Variants in DPEP3 observed in about 807,000 individuals in gnomAD.
DPEP3 encodes membrane-bound dipeptidase 3.
A neutral mutation model predicts 47.5 loss-of-function variants in DPEP3; 42 were observed. That is an observed-to-expected ratio of 0.88 (90% CI 0.69 to 1.14). DPEP3 has a LOEUF of 1.14. Ranked by LOEUF, DPEP3 falls within the 50% of genes most tolerant of loss-of-function variation. DPEP3 has a pLI of 0.00. For missense variants in DPEP3, 560 were observed against 635.0 expected, an observed-to-expected ratio of 0.88 and a Z score of 1.27; for synonymous variants, 276 against 270.2, an observed-to-expected ratio of 1.02 and a Z score of -0.21.
At position 67,978,307 on chromosome 16, in the gene DPEP3, C is replaced by T. The variant is rs201009884; in HGVS notation, c.646G>A (p.Val216Met). The stretch of plus-strand genomic sequence containing the variant: ...GTGAAGGTAAGTGTCAGGTAGCGCA[C>T]CCCCAGCACATAGAAACTGCGCAGC... ...SVLRSFYVLG[V>M]RYLTLTFTCS... The change falls in exon 4 of 10, where the codon GTG (valine) becomes ATG (methionine). Residue 216 changes from valine to methionine, a missense_variant. Val to Met is a conservative substitution (Grantham distance 21). Coordinates refer to ENST00000268793, the MANE Select transcript of DPEP3 (RefSeq NM_001370198.1). The surrounding 1 kb of genome is among the most constrained non-coding windows in gnomAD (Gnocchi z 4.4). The T allele has an allele frequency of 3.7e-5, 60 of 1,614,052 alleles. No homozygotes were observed. The highest frequency in any genetic ancestry group is 4.8e-5 in the Non-Finnish European group (57 of 1,180,038).
intron 8 of DPEP3, among the ~76,000 whole-genome samples, 194 bp from the exon 9 acceptor site, chr16:67,976,422 A>G (rs540828892): frequency 6.6e-6 from 1 of 152,318 alleles, no homozygotes; most frequent in South Asian, 2.1e-4. Context: ...AGCCCACAGC[A>G]GGTCTGCTAG....
At chr16:67,979,497 C>A (rs915056197) in intron 2 of DPEP3, 142 bp downstream of exon 2, 15 of 1,298,810 alleles carry the variant, frequency 1.2e-5, no homozygotes, top group African/African-American at 1.5e-5. Flanking sequence ...GCCTCCAAGG[C>A]CCCACTCTCC....
chr16:67,979,986 T>G, intron 1 of DPEP3, 108 bp downstream of exon 1: 1 of 1,427,120 alleles, frequency 7.0e-7, no homozygotes, highest in Non-Finnish European at 9.4e-7. Context: ...CATCCAGGGG[T>G]GGTGTGAGGG....
chr16:67,980,394 C>T lies in DPEP3; in HGVS notation c.-14G>A. On this transcript the variant is annotated 5_prime_UTR_variant, in exon 1 of 10. Transcript: ENST00000268793. ...CGTGGGCTGCATGTTGCGCGGGGGT[C>T]GGCCGCGGGAGCCTGGGAGGAGCAG... is the stretch of plus-strand genomic sequence containing the variant. 1 of 1,507,582 alleles carries T rather than the reference C, an allele frequency of 6.6e-7. No homozygotes were observed. The highest frequency in any genetic ancestry group is 1.3e-5 in the South Asian group (1 of 77,962). The allele number at this position is 1,507,582 out of a possible 1,614,324, so 93.4% of individuals were successfully genotyped here. A position where few individuals can be genotyped will look rare whatever the true frequency, so the allele number is the denominator to read the frequency against.
intron 8 of DPEP3, 121 bp from the exon 9 acceptor site, chr16:67,976,349 T>A: frequency 7.2e-7 from 1 of 1,388,820 alleles, no homozygotes; most frequent in Non-Finnish European, 9.7e-7. Flanking sequence ...GGCTAGTGAA[T>A]GCAACCTTGG....
At chr16:67,976,677 A>G in intron 8 of DPEP3, 23 bp downstream of exon 8, 1 of 1,612,432 alleles carries the variant, frequency 6.2e-7, no homozygotes, top group Non-Finnish European at 8.5e-7. Context: ...CCAGCCTAAG[A>G]GAAACCTCAG....
chr16:67,979,786 T>A, intron 1 of DPEP3, 21 bp from the exon 2 acceptor site: 1 of 1,613,106 alleles, frequency 6.2e-7, no homozygotes, highest in Non-Finnish European at 8.5e-7. Context: ...GAAGGTCAGA[T>A]GGAAACACCG....
chr16:67,976,410 T>C (rs1598242808), intron 8 of DPEP3, among the ~76,000 whole-genome samples, 182 bp from the exon 9 acceptor site: 1 of 152,206 alleles, frequency 6.6e-6, no homozygotes, highest in Admixed American at 6.5e-5. Flanking sequence ...GAGCAGATGG[T>C]CAGCCCACAG....
chr16:67,978,539 A>G lies in DPEP3; in HGVS notation c.502T>C (p.Cys168Arg), dbSNP rs879227885. 6.2e-7 allele frequency: 1 copy of G among 1,614,112 alleles called. No individual in the cohort carries two copies. Among genetic ancestry groups the G allele is most frequent in the South Asian group, 1.1e-5 (1 of 91,076 alleles). Residue 168 changes from cysteine (C) to arginine (R), a missense_variant, in exon 3 of 10, where the codon TGT (cysteine) becomes CGT (arginine). Coordinates refer to ENST00000268793, the MANE Select transcript of DPEP3 (RefSeq NM_001370198.1). The surrounding 1 kb of genome is among the most constrained non-coding windows in gnomAD (Gnocchi z 4.4). The part of the protein sequence containing the change: ...LEQIDLIHRM[C>R]ASYSELELVT... The stretch of plus-strand genomic sequence containing the variant: ...AGCTCGAGTTCAGAGTAGGAGGCAC[A>G]CATGCGGTGAATGAGGTCAATCTGC...
At position 67,975,790 on chromosome 16, in the gene DPEP3, G is replaced by A. The variant is rs983222239; in HGVS notation, c.1442C>T (p.Pro481Leu). 1 of 1,613,382 alleles carries A rather than the reference G, an allele frequency of 6.2e-7. No homozygotes were observed. The highest frequency in any genetic ancestry group is 8.5e-7 in the Non-Finnish European group (1 of 1,179,740). ...VPGLVAAATI[P>L]TFTQWLC Reference sequence around the variant, plus strand: ...TCAGCAGAGCCACTGGGTGAAGGTTGGGATGGTGGCAGCAGCCACAAGGCC... The same window carrying A: ...TCAGCAGAGCCACTGGGTGAAGGTTAGGATGGTGGCAGCAGCCACAAGGCC... The change falls in exon 10 of 10, where the codon CCA becomes CTA. Residue 481 changes from proline to leucine, a missense_variant. By Grantham distance (98) the Pro-to-Leu change is moderately conservative. Coordinates refer to ENST00000268793, the MANE Select transcript of DPEP3 (RefSeq NM_001370198.1).
rs777974448 is a variant in DPEP3, at chr16:67,977,301, G to A, written c.987C>T (p.Cys329=). 1.2e-6 allele frequency: 2 copies of A among 1,613,918 alleles called. No homozygotes were observed. The highest frequency in any genetic ancestry group is 2.2e-5 in the South Asian group (2 of 91,084). ...CAGTGGACACGTTAGCAAGCAGGTTGCACTGCAGCACCCCCATGGACAGTG... is the reference window on the plus strand; with the variant it reads ...CAGTGGACACGTTAGCAAGCAGGTTACACTGCAGCACCCCCATGGACAGTG... ...MVTLSMGVLQ[C]NLLANVSTVA... The change falls in exon 7 of 10, where the codon TGC becomes TGT. Residue 329 remains cysteine (C), a synonymous_variant. Coordinates refer to ENST00000268793, the MANE Select transcript of DPEP3 (RefSeq NM_001370198.1).
At chr16:67,977,170 GC>G in intron 7 of DPEP3, 99 bp downstream of exon 7, 1 of 1,054,626 alleles carries the variant, frequency 9.5e-7, no homozygotes, top group Non-Finnish European at 1.4e-6. Flanking sequence ...TGGGAGGTCT[GC>G]CCATTGCCCA....
chr16:67,979,906 AG>A, intron 1 of DPEP3, 141 bp from the exon 2 acceptor site: 1 of 1,423,554 alleles, frequency 7.0e-7, no homozygotes, highest in Non-Finnish European at 9.4e-7. Flanking sequence ...GGTTGGAGGG[AG>A]GGGGTTAGAT....
chr16:67,978,396 G>A lies in DPEP3; in HGVS notation c.557C>T (p.Ser186Phe). The change falls in exon 4 of 10, where the codon TCT (serine) becomes TTT (phenylalanine). Residue 186 changes from serine (S) to phenylalanine (F), a missense_variant. Transcript: ENST00000268793. This position sits in a 1 kb window ranked among gnomAD's most constrained non-coding sequence, Gnocchi z 4.4. Reference sequence around the variant, plus strand: ...GCCAATGAGGCAGGCCAGCTTTTGAGAGCTGTTCAGACCTAGAAGGAGGTA... The same window carrying A: ...GCCAATGAGGCAGGCCAGCTTTTGAAAGCTGTTCAGACCTAGAAGGAGGTA... Reference protein sequence around the residue: ...LVTSAEGLNSSQKLACLIGVE... With the variant: ...LVTSAEGLNSFQKLACLIGVE... 6.2e-7 allele frequency: 1 copy of A among 1,614,034 alleles called. No individual in the cohort carries two copies. Among genetic ancestry groups the A allele is most frequent in the Non-Finnish European group, 8.5e-7 (1 of 1,179,906 alleles).
In DPEP3 at chr16:67,978,466, C is replaced by T. The variant is rs769958822; in HGVS notation, c.544+31G>A. The stretch of plus-strand genomic sequence containing the variant: ...CCCAGGAACAGAACCTCCAGAGTGA[C>T]ATCCTGACTACCTCTCATCTGCTGG... On this transcript the variant is annotated intron_variant, in intron 3 of 9. Transcript: ENST00000268793. The surrounding 1 kb of genome is among the most constrained non-coding windows in gnomAD (Gnocchi z 4.4). The T allele has an allele frequency of 6.2e-7, 1 of 1,614,008 alleles. No individual in the cohort carries two copies. The highest frequency in any genetic ancestry group is 1.1e-5 in the South Asian group (1 of 91,086).
chr16:67,975,698 G>C lies in DPEP3; in HGVS notation c.*67C>G, dbSNP rs1189037938. ...ACATGTTTATTCTCAGCATATGCTTGTGAATGAACTAGGAGAGGGGGCTTT... is the reference window on the plus strand; with the variant it reads ...ACATGTTTATTCTCAGCATATGCTTCTGAATGAACTAGGAGAGGGGGCTTT... On this transcript the variant is annotated 3_prime_UTR_variant, in exon 10 of 10. Coordinates refer to ENST00000268793, the MANE Select transcript of DPEP3 (RefSeq NM_001370198.1). 1.4e-6 allele frequency: 2 copies of C among 1,417,800 alleles called. No individual in the cohort carries two copies. The highest frequency in any genetic ancestry group is 2.0e-5 in the Admixed American group (1 of 50,222). 87.8% of individuals were successfully genotyped at this position (1,417,800 alleles called of 1,614,324 possible).
At chr16:67,980,015 C>CTT in intron 1 of DPEP3, 79 bp downstream of exon 1, 1 of 1,526,186 alleles carries the variant, frequency 6.6e-7, no homozygotes, top group Non-Finnish European at 8.8e-7. Context: ...TGATAGCCTC[C>CTT]TTGATAGCAT....
In DPEP3 at chr16:67,980,136, C is replaced by A; in HGVS notation, c.245G>T (p.Gly82Val). The A allele has an allele frequency of 1.2e-6, 2 of 1,612,872 alleles. No homozygotes were observed. The highest frequency in any genetic ancestry group is 1.7e-6 in the Non-Finnish European group (2 of 1,179,510). The stretch of plus-strand genomic sequence containing the variant: ...ACTCCGCATCAGGGCCTGCGCGCGA[C>A]CCCGAAGGTCCAGGGTTTTGGGGGT... ...PGTPKTLDLR[G>V]RAQALMRSFP... Residue 82 changes from glycine to valine, a missense_variant, in exon 1 of 10, where the codon GGT becomes GTT. Gly to Val is a moderately radical substitution (Grantham distance 109). Transcript: ENST00000268793.
At chr16:67,976,620 G>A (rs1187432203) in intron 8 of DPEP3, 80 bp downstream of exon 8, 2 of 1,364,514 alleles carry the variant, frequency 1.5e-6, no homozygotes, top group Middle Eastern at 1.8e-4. Flanking sequence ...GCCTGGATGG[G>A]AGGACGTCAG....
Sources: gnomAD v4.1 joint callset for allele counts (sites outside exome capture counted in the v4.1 genomes callset) on GRCh38, gnomAD v4.1.1 for gene constraint, Gnocchi (gnomAD v3.1) non-coding constraint, MANE v1.5 for transcripts, NCBI Gene and HGNC (gene_info 2026-07-23, HGNC 2026-07-21) for gene names.